The following TBC1D12 variants were observed in gnomAD, a reference collection of about 807,000 sequenced individuals.
The protein encoded by TBC1D12 is TBC1 domain family member 12, also known as TBC1 domain family, member 12.
A neutral mutation model predicts 86.7 loss-of-function variants in TBC1D12; 56 were observed. The ratio of observed to expected loss-of-function variants is 0.65; its 90% CI spans 0.52 to 0.81. TBC1D12 has a LOEUF of 0.81. TBC1D12 is among the 30% of genes least tolerant of loss of function. The probability of loss-of-function intolerance (pLI) is 0.00; values close to 1 mark genes in which losing one functional copy is unlikely to be tolerated. For synonymous variants in TBC1D12, 421 were observed against 411.7 expected, an observed-to-expected ratio of 1.02 and a Z score of -0.27; for missense variants, 1,023 against 1,038.8, an observed-to-expected ratio of 0.98 and a Z score of 0.21.
At chr10:94,465,077 C>G (rs565894927) in intron 2 of TBC1D12, among the ~76,000 whole-genome samples, 1 of 152,312 alleles carries the variant, frequency 6.6e-6, no homozygotes, top group South Asian at 2.1e-4. Context: ...CTCCAAAATT[C>G]ATCAAGTGGT....
intron 11 of TBC1D12, among the ~76,000 whole-genome samples, chr10:94,529,652 G>A (rs146649105): frequency 1.4e-3 from 215 of 152,064 alleles, no homozygotes; most frequent in African/African-American, 4.2e-3. Context: ...TTCTCTTCCC[G>A]TCCCCCAAGA....
intron 1 of TBC1D12, among the ~76,000 whole-genome samples, chr10:94,412,758 A>G (rs2054943308): frequency 6.6e-6 from 1 of 152,218 alleles, no homozygotes; most frequent in Non-Finnish European, 1.5e-5. Context: ...CAGAAAGGCA[A>G]AGTGTGTCCT....
rs1842532811 is a variant in TBC1D12, at chr10:94,535,950, A to G, written c.*2854A>G. 1 of 152,178 alleles carries G rather than the reference A, an allele frequency of 6.6e-6. No individual in the cohort carries two copies. The highest frequency in any genetic ancestry group is 1.5e-5 in the Non-Finnish European group (1 of 68,008). The allele number at this position is 152,178 out of a possible 1,614,324, so 9.4% of individuals were successfully genotyped here. ...GAGTAATTACTTGAAATGAGTCTTCATTACTTTGGGGATATCTGTTTTATT... is the reference window on the plus strand; with the variant it reads ...GAGTAATTACTTGAAATGAGTCTTCGTTACTTTGGGGATATCTGTTTTATT... On this transcript the variant is annotated 3_prime_UTR_variant, in exon 13 of 13. Transcript: ENST00000225235.
intron 3 of TBC1D12, among the ~76,000 whole-genome samples, chr10:94,481,931 C>T (rs996721705): frequency 1.3e-5 from 2 of 152,122 alleles, no homozygotes; most frequent in South Asian, 2.1e-4. Flanking sequence ...TCCCCTTGAG[C>T]ATTTATTCTT....
chr10:94,410,138 G>T (rs2054911534), intron 1 of TBC1D12, among the ~76,000 whole-genome samples: 1 of 152,190 alleles, frequency 6.6e-6, no homozygotes, highest in African/African-American at 2.4e-5. Context: ...GAAAGCCAAT[G>T]ATGCTGTTGA....
intron 1 of TBC1D12, among the ~76,000 whole-genome samples, chr10:94,436,245 C>T (rs2055295037): frequency 1.3e-5 from 2 of 151,816 alleles, no homozygotes; most frequent in African/African-American, 2.4e-5. Context: ...AGTTGATTCT[C>T]CTGCCTCAGC....
intron 5 of TBC1D12, among the ~76,000 whole-genome samples, chr10:94,498,614 C>T (rs567567147): frequency 9.1e-4 from 139 of 152,170 alleles, no homozygotes; most frequent in African/African-American, 3.2e-3. Flanking sequence ...CCACCATACC[C>T]GGCTAATTGT....
chr10:94,457,936 C>T (rs1443293952), intron 2 of TBC1D12, among the ~76,000 whole-genome samples: 1 of 152,080 alleles, frequency 6.6e-6, no homozygotes. Flanking sequence ...ACAAAACATT[C>T]CTAATTCCTT....
At position 94,403,341 on chromosome 10, in the gene TBC1D12, C is replaced by T. The variant is rs753066002; in HGVS notation, c.728C>T (p.Pro243Leu). The change falls in exon 1 of 13, where the codon CCC (proline) becomes CTC (leucine). Residue 243 changes from proline to leucine, a missense_variant. Physicochemically the swap from Pro to Leu is moderately conservative, Grantham distance 98. Transcript: ENST00000225235. ...SEQRGVGAGGPEEGAPPATSA... is the reference protein window; with the variant it reads ...SEQRGVGAGGLEEGAPPATSA... The stretch of plus-strand genomic sequence containing the variant: ...CAGCGGGGAGTCGGCGCCGGGGGTC[C>T]CGAGGAGGGCGCGCCCCCTGCCACC... 1 of 1,522,326 alleles carries T rather than the reference C, an allele frequency of 6.6e-7. No individual in the cohort carries two copies. The highest frequency in any genetic ancestry group is 8.8e-7 in the Non-Finnish European group (1 of 1,135,694). The allele number at this position is 1,522,326 out of a possible 1,614,324, so 94.3% of individuals were successfully genotyped here.
At chr10:94,433,703 A>G (rs1015903994) in intron 1 of TBC1D12, among the ~76,000 whole-genome samples, 8 of 152,066 alleles carry the variant, frequency 5.3e-5, no homozygotes, top group Admixed American at 3.9e-4. Context: ...TTCATCTTAT[A>G]TTTGTGGTTT....
chr10:94,524,724 C>T (rs1269963776), intron 11 of TBC1D12, among the ~76,000 whole-genome samples: 1 of 144,304 alleles, frequency 6.9e-6, no homozygotes, highest in African/African-American at 2.6e-5. Flanking sequence ...GAGCGAGACT[C>T]CATTAAAAAA....
intron 1 of TBC1D12, among the ~76,000 whole-genome samples, chr10:94,432,544 A>C (rs2055231716): frequency 6.6e-6 from 1 of 152,228 alleles, no homozygotes; most frequent in Admixed American, 6.5e-5. Context: ...CTAGTGGCAT[A>C]AGAAATTAAT....
intron 2 of TBC1D12, among the ~76,000 whole-genome samples, chr10:94,459,072 AG>A (rs2055678610): frequency 2.9e-3 from 1 of 348 alleles, no homozygotes. Flanking sequence ...CATTTTACAG[AG>A]AGCTGATTGG....
intron 1 of TBC1D12, among the ~76,000 whole-genome samples, chr10:94,425,556 C>A (rs2055134913): frequency 6.6e-6 from 1 of 152,152 alleles, no homozygotes. Context: ...GGAGCTCACA[C>A]TGTAATGCAG....
At chr10:94,531,797 A>C (rs1176247491) in intron 12 of TBC1D12, among the ~76,000 whole-genome samples, 1 of 142,004 alleles carries the variant, frequency 7.0e-6, no homozygotes, top group African/African-American at 2.6e-5. Flanking sequence ...ATGTTATTTT[A>C]TTTTATGTTA....
At chr10:94,489,231 C>G (rs2056213825) in intron 3 of TBC1D12, among the ~76,000 whole-genome samples, 1 of 152,192 alleles carries the variant, frequency 6.6e-6, no homozygotes, top group African/African-American at 2.4e-5. Context: ...CAAAATGCTC[C>G]CTCCATGGGC....
intron 1 of TBC1D12, among the ~76,000 whole-genome samples, chr10:94,405,764 G>T (rs1449880221): frequency 6.6e-6 from 1 of 152,088 alleles, no homozygotes; most frequent in Non-Finnish European, 1.5e-5. Flanking sequence ...GGCTAATGGG[G>T]ATTAAGTTTG....
Position 94,474,708 on chromosome 10 carries a change from C to A in TBC1D12, c.1136C>A (p.Pro379His), listed in dbSNP as rs775456997. The A allele has an allele frequency of 8.1e-6, 13 of 1,613,956 alleles. No individual in the cohort carries two copies. In the South Asian group the frequency reaches 1.2e-4, roughly 15 times the overall value. Residue 379 changes from proline to histidine, a missense_variant, in exon 3 of 13, where the codon CCT (proline) becomes CAT (histidine). By Grantham distance (77) the Pro-to-His change is moderately conservative. This residue lies in a region of TBC1D12 where 395 missense variants were observed against 507.7 expected (regional missense o/e 0.78). Transcript: ENST00000225235. ...ARTGRTCKPP[P>H]QSSRRKNFEF... ...ACGGGGAGGACCTGTAAACCACCAC[C>A]TCAGTCTTCAAGACGCAAGAATTTT...
chr10:94,447,073 A>C (rs2055475961), intron 2 of TBC1D12, among the ~76,000 whole-genome samples: 1 of 151,776 alleles, frequency 6.6e-6, no homozygotes, highest in Non-Finnish European at 1.5e-5. Context: ...AAAAAAAAAA[A>C]AAACCTTTTT....
Sources: gnomAD v4.1 joint callset for allele counts (sites outside exome capture counted in the v4.1 genomes callset) on GRCh38, gnomAD v4.1.1 for gene constraint, gnomAD v4.1.1 regional missense constraint, MANE v1.5 for transcripts, NCBI Gene and HGNC (gene_info 2026-07-23, HGNC 2026-07-21) for gene names.